Variants in REV3L observed in about 807,000 individuals in gnomAD.
The protein encoded by REV3L is REV3 like, DNA directed polymerase zeta catalytic subunit.
A neutral mutation model predicts 299.4 loss-of-function variants in REV3L; 69 were observed. The ratio of observed to expected loss-of-function variants is 0.23; its 90% CI spans 0.19 to 0.28. The LOEUF is 0.28. Ranked by LOEUF, REV3L falls within the 10% of genes least tolerant of loss-of-function variation. The pLI is 1.00. For synonymous variants in REV3L, 1,238 were observed against 1,271.4 expected (o/e 0.97, Z 0.56); for missense variants, 3,128 against 3,693.8 (o/e 0.85, Z 3.97).
intron 23 of REV3L, among the ~76,000 whole-genome samples, chr6:111,332,083 A>ATTC (rs1355525521): frequency 6.6e-6 from 1 of 151,990 alleles, no homozygotes; most frequent in Non-Finnish European, 1.5e-5. Context: ...TATTATTATT[A>ATTC]TTTTTTGAGA....
At position 111,444,771 on chromosome 6, in the gene REV3L, T is replaced by G. The variant is rs556586405; in HGVS notation, c.140-28299A>C. 9.8e-5 allele frequency among the ~76,000 whole-genome samples: 15 copies of G among 152,320 alleles called. No homozygotes were observed. In the South Asian group the frequency reaches 3.1e-3, roughly 32 times the overall value. On this transcript the variant is annotated intron_variant, in intron 1 of 31. Transcript: ENST00000368802. ...CTTTCTCTACTCCAGTACAATAAAA[T>G]TAGACTTATTTGAAAGGAAAAAAAT...
Position 111,374,835 on chromosome 6 carries a change from T to C in REV3L, c.3520A>G (p.Ile1174Val), listed in dbSNP as rs780399877. ...IGKTSRARAQ[I>V]KKSKAKLANP... ...GCAAGCTTTGCTTTTGATTTCTTAA[T>C]CTGTGCTCTTGCGCGACTAGTTTTT... The change falls in exon 13 of 32, where the codon ATT (isoleucine) becomes GTT (valine). Residue 1174 changes from isoleucine to valine, a missense_variant. Physicochemically the swap from Ile to Val is conservative, Grantham distance 29. This residue lies in a region of REV3L where 2,409 missense variants were observed against 2,611.8 expected (regional missense o/e 0.92). Coordinates refer to ENST00000368802, the MANE Select transcript of REV3L (RefSeq NM_001372078.1). 23 of 1,613,656 alleles carry C rather than the reference T, an allele frequency of 1.4e-5. No homozygotes were observed. The Admixed American group carries it at 3.8e-4, about 27-fold the overall frequency.
chr6:111,388,385 CT>C (rs1321912249), intron 7 of REV3L, among the ~76,000 whole-genome samples: 4 of 152,008 alleles, frequency 2.6e-5, no homozygotes, highest in Admixed American at 2.6e-4. Flanking sequence ...AAAATTTCCC[CT>C]CATAAAATAT....
Position 111,299,932 on chromosome 6 carries a change from A to C in REV3L, c.*84T>G. 7.4e-7 allele frequency: 1 copy of C among 1,348,018 alleles called. No homozygotes were observed. The highest frequency in any genetic ancestry group is 1.0e-6 in the Non-Finnish European group (1 of 989,582). 83.5% of individuals were successfully genotyped at this position (1,348,018 alleles called of 1,614,324 possible). On this transcript the variant is annotated 3_prime_UTR_variant, in exon 32 of 32. Transcript: ENST00000368802. ...ACAGACAGTGAACATCCTTGACTCGATGAAAGTTAAAAAGCACCATGCACA... is the reference window on the plus strand; with the variant it reads ...ACAGACAGTGAACATCCTTGACTCGCTGAAAGTTAAAAAGCACCATGCACA...
chr6:111,314,008 G>A (rs779744633), intron 27 of REV3L, among the ~76,000 whole-genome samples: 9 of 152,166 alleles, frequency 5.9e-5, no homozygotes, highest in African/African-American at 2.2e-4. Context: ...CAGTGTTTAA[G>A]CGGGCTATTC....
Position 111,415,793 on chromosome 6 carries a change from C to A in REV3L, c.329+490G>T, listed in dbSNP as rs544572898. Among the ~76,000 whole-genome samples the A allele has an allele frequency of 9.3e-4, 141 of 152,176 alleles. 1 individual carries two copies. The highest frequency in any genetic ancestry group is 1.4e-3 in the Non-Finnish European group (96 of 67,988). On this transcript the variant is annotated intron_variant, in intron 2 of 31. Transcript: ENST00000368802. ...AATTGTCACTAGTCTACTTCCTTAC[C>A]CCACACTACTATTCCTTCTTATCCT... is the stretch of plus-strand genomic sequence containing the variant.
At chr6:111,417,226 T>C (rs1582908003) in intron 1 of REV3L, among the ~76,000 whole-genome samples, 1 of 152,040 alleles carries the variant, frequency 6.6e-6, no homozygotes, top group East Asian at 1.9e-4. Context: ...ACAGCCATGA[T>C]AAAGAAAGTA....
chr6:111,445,163 C>T (rs979647003), intron 1 of REV3L, among the ~76,000 whole-genome samples: 1 of 152,186 alleles, frequency 6.6e-6, no homozygotes, highest in African/African-American at 2.4e-5. Flanking sequence ...TGAGAATATA[C>T]TTCTATCTGA....
chr6:111,383,314 A>G (rs567846268), intron 9 of REV3L, among the ~76,000 whole-genome samples: 1 of 152,342 alleles, frequency 6.6e-6, no homozygotes, highest in South Asian at 2.1e-4. Context: ...AAGTGCATCC[A>G]AATTGGAAAG....
At chr6:111,470,275 T>G (rs1792033313) in intron 1 of REV3L, among the ~76,000 whole-genome samples, 1 of 152,148 alleles carries the variant, frequency 6.6e-6, no homozygotes, top group African/African-American at 2.4e-5. Flanking sequence ...TATCAAATTC[T>G]GGAAGTGTTA....
intron 1 of REV3L, among the ~76,000 whole-genome samples, chr6:111,435,913 A>G (rs1478017552): frequency 6.6e-6 from 1 of 152,242 alleles, no homozygotes; most frequent in East Asian, 1.9e-4. Context: ...CTCATCTAAC[A>G]TGGGATTAAC....
At chr6:111,399,924 T>C (rs1782917457) in intron 4 of REV3L, among the ~76,000 whole-genome samples, 1 of 152,170 alleles carries the variant, frequency 6.6e-6, no homozygotes, top group African/African-American at 2.4e-5. Flanking sequence ...CAGTCAATAC[T>C]TCCCTCTCTC....
chr6:111,342,596 A>T (rs1320821003), intron 21 of REV3L, among the ~76,000 whole-genome samples: 1 of 151,144 alleles, frequency 6.6e-6, no homozygotes, highest in Admixed American at 6.6e-5. Flanking sequence ...TGAACTCGGG[A>T]GGCGGAGCTT....
At chr6:111,431,290 T>C (rs1582967200) in intron 1 of REV3L, 3 of 1,331,296 alleles carry the variant, frequency 2.3e-6, no homozygotes, top group East Asian at 2.3e-5. Flanking sequence ...TGGAAGGCCA[T>C]ACTAGGACAC....
chr6:111,362,322 C>A (rs969034795), intron 16 of REV3L, among the ~76,000 whole-genome samples: 2 of 151,830 alleles, frequency 1.3e-5, no homozygotes, highest in African/African-American at 4.8e-5. Context: ...CAAAGGAGGA[C>A]AATATTAAAA....
At chr6:111,325,565 T>G (rs930129137) in intron 25 of REV3L, among the ~76,000 whole-genome samples, 1 of 152,202 alleles carries the variant, frequency 6.6e-6, no homozygotes, top group Non-Finnish European at 1.5e-5. Context: ...CTAGTACTTT[T>G]TTGATTGTGT....
chr6:111,442,900 T>TGC (rs1788433668), intron 1 of REV3L, among the ~76,000 whole-genome samples: 2 of 151,458 alleles, frequency 1.3e-5, no homozygotes, highest in African/African-American at 4.8e-5. Flanking sequence ...TCTGTGTGTA[T>TGC]GTGTGTGTGT....
chr6:111,344,815 A>G (rs1215058447), intron 20 of REV3L, among the ~76,000 whole-genome samples: 1 of 152,198 alleles, frequency 6.6e-6, no homozygotes, highest in African/African-American at 2.4e-5. Flanking sequence ...AGCACTTCAC[A>G]TTTGTATATT....
intron 1 of REV3L, among the ~76,000 whole-genome samples, chr6:111,480,404 G>A (rs1946557913): frequency 6.6e-6 from 1 of 152,074 alleles, no homozygotes; most frequent in South Asian, 2.1e-4. Context: ...AAGTCAGACT[G>A]GCCTCTCTTT....
Sources: allele counts gnomAD v4.1 joint callset (sites outside exome capture counted in the v4.1 genomes callset), GRCh38; gene constraint gnomAD v4.1.1; regional missense constraint gnomAD v4.1.1; transcripts MANE v1.5; gene names NCBI Gene and HGNC (gene_info 2026-07-23, HGNC 2026-07-21).